The following SNRPB variants were observed in gnomAD, a reference collection of about 807,000 sequenced individuals.
SNRPB encodes the protein small nuclear ribonucleoprotein polypeptides B and B1, also known as small nuclear ribonucleoprotein-associated proteins B and B'.
A neutral mutation model predicts 26.6 loss-of-function variants in SNRPB; 5 were observed. The ratio of observed to expected loss-of-function variants is 0.19; its 90% CI spans 0.10 to 0.39. SNRPB has a LOEUF of 0.39. Ranked by LOEUF, SNRPB falls within the 10% of genes least tolerant of loss-of-function variation. SNRPB has a pLI of 1.00. For synonymous variants in SNRPB, 122 were observed against 105.8 expected, an observed-to-expected ratio of 1.15 and a Z score of -0.94; for missense variants, 211 against 311.9, an observed-to-expected ratio of 0.68 and a Z score of 2.44.
In SNRPB at chr20:2,463,912, CAA is replaced by C; in HGVS notation, c.268-15_268-14del. The C allele has an allele frequency of 6.2e-7, 1 of 1,610,070 alleles. No individual in the cohort carries two copies. Among genetic ancestry groups the C allele is most frequent in the Non-Finnish European group, 8.5e-7 (1 of 1,177,122 alleles). On this transcript the variant is annotated splice_polypyrimidine_tract_variant and intron_variant, in intron 3 of 6. Coordinates refer to ENST00000381342, the MANE Select transcript of SNRPB (RefSeq NM_003091.4). The surrounding 1 kb of genome is among the most constrained non-coding windows in gnomAD (Gnocchi z 5.0). ...GAGCAATACCAGTCTGAAAAATAAA[CAA>C]ATATGCTCTGATGCCCAGTGATCTG... is the stretch of plus-strand genomic sequence containing the variant.
At chr20:2,462,034 GGA>G in intron 6 of SNRPB, 95 bp from the exon 7 acceptor site, 1 of 830,522 alleles carries the variant, frequency 1.2e-6, no homozygotes. Context: ...AATCGAGTGA[GGA>G]GAGGGGTATA....
chr20:2,466,946 A>G (rs2085078416), intron 2 of SNRPB, among the ~76,000 whole-genome samples: 1 of 152,220 alleles, frequency 6.6e-6, no homozygotes, highest in South Asian at 2.1e-4. Context: ...CATATGACAA[A>G]AGAGCTGCTG....
intron 6 of SNRPB, among the ~76,000 whole-genome samples, chr20:2,462,213 G>C (rs2085039490): frequency 6.6e-6 from 1 of 152,034 alleles, no homozygotes; most frequent in Non-Finnish European, 1.5e-5. Context: ...ACTCCCTGGG[G>C]GCCTATTTTC....
At chr20:2,462,113 T>C (rs900989830) in intron 6 of SNRPB, among the ~76,000 whole-genome samples, 174 bp from the exon 7 acceptor site, 2 of 152,114 alleles carry the variant, frequency 1.3e-5, no homozygotes, top group East Asian at 3.9e-4. Context: ...TAAAAACCCA[T>C]AGAGGAATAA....
Position 2,462,706 on chromosome 20 carries a change from G to A in SNRPB, c.615C>T (p.Ile205=), listed in dbSNP as rs143558376. Residue 205 remains isoleucine (I), a synonymous_variant, in exon 6 of 7, where the codon ATC becomes ATT. Coordinates refer to ENST00000381342, the MANE Select transcript of SNRPB (RefSeq NM_003091.4). ...MRPPMGPPMG[I]PPGRGTPMGM... ...CCATTGGAGTCCCTCTTCCAGGGGG[G>A]ATCCCCATTGGGGGACCCATAGGAG... 3.8e-6 allele frequency: 6 copies of A among 1,590,316 alleles called. No individual in the cohort carries two copies. The African/African-American group carries it at 4.0e-5, about 11-fold the overall frequency.
chr20:2,467,898 G>A (rs2085085235), intron 1 of SNRPB, 140 bp from the exon 2 acceptor site: 1 of 759,438 alleles, frequency 1.3e-6, no homozygotes, highest in Non-Finnish European at 2.1e-6. Context: ...CCCACCCACA[G>A]CCTTTTCCTA....
intron 1 of SNRPB, among the ~76,000 whole-genome samples, chr20:2,470,299 A>C (rs990526318): frequency 3.3e-5 from 3 of 89,986 alleles, no homozygotes; most frequent in African/African-American, 8.2e-5. Flanking sequence ...TCAGACTCAC[A>C]AACTTCCGCA....
intron 5 of SNRPB, 91 bp from the exon 6 acceptor site, chr20:2,462,852 T>G (rs1274627069): frequency 1.9e-5 from 22 of 1,142,442 alleles, no homozygotes; most frequent in Non-Finnish European, 2.5e-5. Flanking sequence ...AGTTCTGAGA[T>G]AGATGGACCA....
chr20:2,465,842 CA>C, intron 2 of SNRPB, 23 bp from the exon 3 acceptor site: 10 of 1,587,546 alleles, frequency 6.3e-6, no homozygotes, highest in East Asian at 4.5e-5. Flanking sequence ...TTAGAAGGAA[CA>C]AAAAAAGTGT....
chr20:2,466,199 A>C (rs2085071904), intron 2 of SNRPB, among the ~76,000 whole-genome samples: 1 of 152,204 alleles, frequency 6.6e-6, no homozygotes, highest in African/African-American at 2.4e-5. Context: ...AATTCCAATC[A>C]AATGACTCCC....
In SNRPB at chr20:2,462,355, A is replaced by G. The variant is rs151309405; in HGVS notation, c.685+281T>C. 8.5e-5 allele frequency among the ~76,000 whole-genome samples: 13 copies of G among 152,064 alleles called. No homozygotes were observed. The East Asian group carries it at 2.1e-3, about 25-fold the overall frequency. ...AAACCAAAGAGCATAAGACAATCTC[A>G]TAACTTCTGTTAGGGATCCTCAGAA... On this transcript the variant is annotated intron_variant, in intron 6 of 6. Coordinates refer to ENST00000381342, the MANE Select transcript of SNRPB (RefSeq NM_003091.4).
chr20:2,464,628 G>A (rs867707663), intron 3 of SNRPB, among the ~76,000 whole-genome samples: 16 of 152,138 alleles, frequency 1.1e-4, no homozygotes, highest in South Asian at 6.2e-4. Flanking sequence ...CATAATATAT[G>A]CCCACTATGT....
chr20:2,462,821 A>C (rs2085045365), intron 5 of SNRPB, 60 bp from the exon 6 acceptor site: 1 of 1,407,682 alleles, frequency 7.1e-7, no homozygotes, highest in African/African-American at 1.5e-5. Flanking sequence ...GGTAGCAAAA[A>C]AACTACAAAG....
chr20:2,466,982 G>C (rs1254003421), intron 2 of SNRPB, among the ~76,000 whole-genome samples: 1 of 152,210 alleles, frequency 6.6e-6, no homozygotes, highest in Non-Finnish European at 1.5e-5. Flanking sequence ...TCATCTTTTT[G>C]TGCCTCAAGT....
rs1016315363 is a variant in SNRPB, at chr20:2,463,401, G to C, written c.421-174C>G. Among the ~76,000 whole-genome samples the C allele has an allele frequency of 2.6e-5, 4 of 152,214 alleles. No homozygotes were observed. The highest frequency in any genetic ancestry group is 9.6e-5 in the African/African-American group (4 of 41,456). Reference sequence around the variant, plus strand: ...CCACATGTCGGGAAAGATCAAGCTTGAATGCCCAACTCCCATCTTCTAGAC... The same window carrying C: ...CCACATGTCGGGAAAGATCAAGCTTCAATGCCCAACTCCCATCTTCTAGAC... On this transcript the variant is annotated intron_variant, in intron 4 of 6. Coordinates refer to ENST00000381342, the MANE Select transcript of SNRPB (RefSeq NM_003091.4). The surrounding 1 kb of genome is among the most constrained non-coding windows in gnomAD (Gnocchi z 5.0).
At chr20:2,467,478 G>C (rs1484193713) in intron 2 of SNRPB, 129 bp downstream of exon 2, 2 of 822,298 alleles carry the variant, frequency 2.4e-6, no homozygotes, top group African/African-American at 3.4e-5. Context: ...CCCCATTTAA[G>C]TCTGCCCTCT....
chr20:2,469,101 T>A (rs547199518), intron 1 of SNRPB, among the ~76,000 whole-genome samples: 1 of 152,312 alleles, frequency 6.6e-6, no homozygotes, highest in East Asian at 1.9e-4. Flanking sequence ...GTGCTCACTG[T>A]GTATCTGGCA....
chr20:2,470,087 G>A (rs1415543097), intron 1 of SNRPB, among the ~76,000 whole-genome samples: 1 of 152,230 alleles, frequency 6.6e-6, no homozygotes, highest in East Asian at 1.9e-4. Context: ...CTACCTCTGT[G>A]AAGGAAGCAA....
intron 3 of SNRPB, among the ~76,000 whole-genome samples, chr20:2,464,277 C>A (rs2085056706): frequency 6.6e-6 from 1 of 152,188 alleles, no homozygotes; most frequent in Non-Finnish European, 1.5e-5. Flanking sequence ...GACAAATAAT[C>A]CCACAATCCC....
Sources: gnomAD v4.1 joint callset for allele counts (sites outside exome capture counted in the v4.1 genomes callset) on GRCh38, gnomAD v4.1.1 for gene constraint, Gnocchi (gnomAD v3.1) non-coding constraint, MANE v1.5 for transcripts, NCBI Gene and HGNC (gene_info 2026-07-23, HGNC 2026-07-21) for gene names.